The following REV1 variants were observed in gnomAD, a reference collection of about 807,000 sequenced individuals.
The protein encoded by REV1 is REV1 DNA directed polymerase, also known as translesion synthesis protein REV1.
In REV1, 42 loss-of-function variants were observed where a neutral mutation model predicts 137.4. The observed-to-expected ratio is 0.31, with a 90% CI of 0.24 to 0.40. The LOEUF (loss-of-function observed/expected upper bound fraction) is 0.40. Among genes scored for constraint, REV1 ranks in the 10% least tolerant of loss-of-function variants. The probability of loss-of-function intolerance (pLI) is 1.00; values close to 1 mark genes in which losing one functional copy is unlikely to be tolerated. For synonymous variants in REV1, 524 were observed against 519.2 expected (o/e 1.01, Z -0.12); for missense variants, 1,282 against 1,490.1 (o/e 0.86, Z 2.30).
At chr2:99,484,897 A>C (rs368717842) in intron 1 of REV1, among the ~76,000 whole-genome samples, 3 of 152,202 alleles carry the variant, frequency 2.0e-5, no homozygotes, top group Non-Finnish European at 2.9e-5. Flanking sequence ...CCAAATAACA[A>C]CACCTCTCTA....
chr2:99,451,067 T>A (rs2104967815), intron 3 of REV1, among the ~76,000 whole-genome samples: 1 of 152,346 alleles, frequency 6.6e-6, no homozygotes, highest in East Asian at 1.9e-4. Context: ...GTCAGGAATC[T>A]ACAGTTCAGT....
In REV1 at chr2:99,434,436, G is replaced by A; in HGVS notation, c.1334C>T (p.Ala445Val). ...NRPDLKGKPVAVTSNRGTGRA... is the reference protein window; with the variant it reads ...NRPDLKGKPVVVTSNRGTGRA... ...TCCTGTGCCTCTGTTACTTGTAACA[G>A]CCACTGGTTTTCCTGTGAGGAAAAT... Residue 445 changes from alanine to valine, a missense_variant, in exon 8 of 23, where the codon GCT becomes GTT. Around this residue, in one of 7 missense-constraint regions of REV1, gnomAD observed 432 missense variants for 438.0 expected, o/e 0.99. Transcript: ENST00000258428. 6.3e-7 allele frequency: 1 copy of A among 1,598,296 alleles called. No individual in the cohort carries two copies. Among genetic ancestry groups the A allele is most frequent in the Non-Finnish European group, 8.5e-7 (1 of 1,172,110 alleles).
chr2:99,475,632 AG>A (rs1305210062), intron 1 of REV1, among the ~76,000 whole-genome samples: 4 of 152,132 alleles, frequency 2.6e-5, no homozygotes, highest in Non-Finnish European at 4.4e-5. Flanking sequence ...GATTGCAGTG[AG>A]CCGAGATTGA....
intron 13 of REV1, 31 bp downstream of exon 13, chr2:99,412,700 C>G: frequency 7.1e-6 from 11 of 1,541,168 alleles, no homozygotes; most frequent in Non-Finnish European, 9.0e-6. Context: ...TAAAGAGCAA[C>G]AGATGGCAAA....
At chr2:99,415,456 A>G (rs997936402) in intron 12 of REV1, among the ~76,000 whole-genome samples, 4 of 152,228 alleles carry the variant, frequency 2.6e-5, no homozygotes, top group African/African-American at 4.8e-5. Context: ...GAACTTGGCT[A>G]TCCAATACAG....
rs954734486 is a variant in REV1, at chr2:99,449,271, A to T, written c.350+65T>A. Reference sequence around the variant, plus strand: ...CAAAGCGAGACCCTATCTCAAAAAAATAAATAAATAAAAAGTATTCTAACT... The same window carrying T: ...CAAAGCGAGACCCTATCTCAAAAAATTAAATAAATAAAAAGTATTCTAACT... On this transcript the variant is annotated intron_variant, in intron 4 of 22. Transcript: ENST00000258428. 4 of 1,045,396 alleles carry T rather than the reference A, an allele frequency of 3.8e-6. No homozygotes were observed. In the Admixed American group the frequency reaches 1.5e-4, roughly 40 times the overall value. The allele number at this position is 1,045,396 out of a possible 1,614,324, so 64.8% of individuals were successfully genotyped here. A position where few individuals can be genotyped will look rare whatever the true frequency, so the allele number is the denominator to read the frequency against.
intron 3 of REV1, among the ~76,000 whole-genome samples, chr2:99,457,451 G>A (rs1203238532): frequency 6.6e-6 from 1 of 152,166 alleles, no homozygotes; most frequent in African/African-American, 2.4e-5. Flanking sequence ...GGAGGCCGAG[G>A]CAGGCAAATC....
At chr2:99,424,998 T>A in intron 9 of REV1, 3 of 862,576 alleles carry the variant, frequency 3.5e-6, no homozygotes, top group Non-Finnish European at 3.1e-6. Flanking sequence ...TATGGAATTA[T>A]ACATAATTAG....
At chr2:99,454,443 G>A (rs1452446030) in intron 3 of REV1, among the ~76,000 whole-genome samples, 1 of 151,376 alleles carries the variant, frequency 6.6e-6, no homozygotes, top group Admixed American at 6.6e-5. Flanking sequence ...CCAGCTACTT[G>A]GGAGGCTGAG....
chr2:99,462,353 A>C (rs896553300), intron 3 of REV1, 143 bp downstream of exon 3: 1 of 751,458 alleles, frequency 1.3e-6, no homozygotes. Flanking sequence ...AGGAAAAAGA[A>C]GTATCTAAGC....
At chr2:99,458,148 G>A (rs1241478019) in intron 3 of REV1, among the ~76,000 whole-genome samples, 1 of 152,098 alleles carries the variant, frequency 6.6e-6, no homozygotes, top group African/African-American at 2.4e-5. Context: ...ATTTCAAGAG[G>A]ATGAAAAACT....
chr2:99,436,769 T>C (rs1680806436), intron 6 of REV1: 1 of 152,204 alleles, frequency 6.6e-6, no homozygotes, highest in Non-Finnish European at 1.5e-5. Flanking sequence ...CCTGTTCGTC[T>C]GGTCCTCTAA....
chr2:99,458,263 AT>A (rs1278823256), intron 3 of REV1, among the ~76,000 whole-genome samples: 1 of 152,332 alleles, frequency 6.6e-6, no homozygotes, highest in East Asian at 1.9e-4. Context: ...ACTAAATCCA[AT>A]TAGAAAATGA....
At chr2:99,481,903 G>T (rs991096173) in intron 1 of REV1, among the ~76,000 whole-genome samples, 20 of 152,150 alleles carry the variant, frequency 1.3e-4, no homozygotes, top group Non-Finnish European at 2.6e-4. Flanking sequence ...CTGATTCCTG[G>T]AAAACTCTAC....
At chr2:99,453,892 CAAAAA>C (rs58291328) in intron 3 of REV1, among the ~76,000 whole-genome samples, 2 of 48,018 alleles carry the variant, frequency 4.2e-5, no homozygotes, top group South Asian at 9.3e-4. Context: ...GGCTCTGTCT[CAAAAA>C]AAAAAAAAAA....
chr2:99,440,861 G>A (rs1296487622), intron 5 of REV1, among the ~76,000 whole-genome samples: 1 of 152,146 alleles, frequency 6.6e-6, no homozygotes, highest in African/African-American at 2.4e-5. Context: ...GCAACAGAAA[G>A]CCATATATTG....
chr2:99,424,393 C>G, intron 9 of REV1, 113 bp from the exon 10 acceptor site: 2 of 1,122,204 alleles, frequency 1.8e-6, no homozygotes, highest in Non-Finnish European at 2.5e-6. Flanking sequence ...CCACTTAACT[C>G]CATTCTCATT....
chr2:99,454,566 A>C (rs796262338), intron 3 of REV1, among the ~76,000 whole-genome samples: 12 of 138,778 alleles, frequency 8.6e-5, no homozygotes, highest in East Asian at 2.1e-4. Flanking sequence ...AAAAAAAAAA[A>C]AAAAAAAAAA....
rs116316872 is a variant in REV1, at chr2:99,446,827, C to T, written c.350+2509G>A. Among the ~76,000 whole-genome samples, 914 of 152,160 alleles carry T rather than the reference C, an allele frequency of 6.0e-3. 6 individuals carry two copies. The highest frequency in any genetic ancestry group is 0.011 in the Non-Finnish European group (732 of 67,986). On this transcript the variant is annotated intron_variant, in intron 4 of 22. Coordinates refer to ENST00000258428, the MANE Select transcript of REV1 (RefSeq NM_016316.4). The stretch of plus-strand genomic sequence containing the variant: ...CATTTTTCTAAGTAAATCAATTCCC[C>T]CCAGCAAGATCGCTTTCCCCTCAAC...
Sources: gnomAD v4.1 joint callset for allele counts (sites outside exome capture counted in the v4.1 genomes callset) on GRCh38, gnomAD v4.1.1 for gene constraint, gnomAD v4.1.1 regional missense constraint, MANE v1.5 for transcripts, NCBI Gene and HGNC (gene_info 2026-07-23, HGNC 2026-07-21) for gene names.